TSEN15: variants seen among roughly 807,000 people sequenced by gnomAD.
TSEN15 encodes the protein tRNA-splicing endonuclease subunit Sen15.
Under a neutral mutation model 20.5 loss-of-function variants are expected in TSEN15, and 10 were observed. The observed-to-expected ratio is 0.49, with a 90% CI of 0.30 to 0.83. The LOEUF (loss-of-function observed/expected upper bound fraction) is 0.83. TSEN15 is among the 40% of genes least tolerant of loss of function. The probability of loss-of-function intolerance (pLI) is 0.06; values close to 1 mark genes in which losing one functional copy is unlikely to be tolerated. For synonymous variants in TSEN15, 72 were observed against 80.1 expected (o/e 0.90, Z 0.54); for missense variants, 180 against 218.6 (o/e 0.82, Z 1.11).
intron 3 of TSEN15, chr1:184,095,117 C>T (rs1043684867): frequency 5.0e-6 from 2 of 398,528 alleles, no homozygotes; most frequent in Non-Finnish European, 8.8e-6. Flanking sequence ...GTCTCTCTCT[C>T]TCCCCAGAAC....
chr1:184,072,685 A>G (rs1285175012), intron 4 of TSEN15, 142 bp from the exon 5 acceptor site: 1 of 712,792 alleles, frequency 1.4e-6, no homozygotes, highest in Non-Finnish European at 2.4e-6. Context: ...GAACATTTTA[A>G]TAAGATAAAT....
At chr1:184,068,516 T>C (rs1198507537) in intron 3 of TSEN15, among the ~76,000 whole-genome samples, 1 of 152,176 alleles carries the variant, frequency 6.6e-6, no homozygotes, top group South Asian at 2.1e-4. Context: ...CATTTTTTTT[T>C]CTCTTACCCT....
chr1:184,054,489 G>A lies in TSEN15; in HGVS notation c.217+54G>A, dbSNP rs567031474. 30 of 1,370,576 alleles carry A rather than the reference G, an allele frequency of 2.2e-5. 1 individual carries two copies. In the East Asian group the frequency reaches 5.3e-4, roughly 24 times the overall value. 84.9% of individuals were successfully genotyped at this position (1,370,576 alleles called of 1,614,324 possible). ...ATTGGGACTGTGGTAGAGATTTGGG[G>A]GGTTGGATTGGGATATAGCATTCTT... On this transcript the variant is annotated intron_variant, in intron 2 of 4. Transcript: ENST00000645668.
chr1:184,093,922 A>G lies in TSEN15; in HGVS notation c.354-1768A>G, dbSNP rs577031144. ...ATAAATCTTTCTATTTTGGGTGCAG[A>G]AATATTGGGTTTGATTCTAAGGGAC... On this transcript the variant is annotated intron_variant, in intron 3 of 3. Transcript: ENST00000643231. 2.6e-5 allele frequency: 4 copies of G among 152,274 alleles called. No individual in the cohort carries two copies. In the East Asian group the frequency reaches 7.7e-4, roughly 29 times the overall value. 9.4% of individuals were successfully genotyped at this position (152,274 alleles called of 1,614,324 possible).
chr1:184,066,295 T>A (rs948896943), intron 3 of TSEN15, among the ~76,000 whole-genome samples: 2 of 151,660 alleles, frequency 1.3e-5, no homozygotes, highest in Non-Finnish European at 2.9e-5. Context: ...ACTATTTATG[T>A]GAGTCAATTC....
At chr1:184,052,189 T>TA (rs1650081836) in intron 1 of TSEN15, among the ~76,000 whole-genome samples, 1 of 152,196 alleles carries the variant, frequency 6.6e-6, no homozygotes, top group Non-Finnish European at 1.5e-5. Flanking sequence ...GCTGTCTAGG[T>TA]AAATCCCCTT....
chr1:184,053,359 A>G (rs989836298), intron 1 of TSEN15, among the ~76,000 whole-genome samples: 4 of 152,172 alleles, frequency 2.6e-5, no homozygotes, highest in African/African-American at 9.7e-5. Context: ...TTATTTTATT[A>G]TTCTCCTGCT....
chr1:184,068,035 T>C (rs1376892606), intron 3 of TSEN15, among the ~76,000 whole-genome samples: 2 of 149,890 alleles, frequency 1.3e-5, no homozygotes, highest in African/African-American at 4.9e-5. Context: ...TTCCACGCTT[T>C]GCATTGTAAC....
intron 3 of TSEN15, among the ~76,000 whole-genome samples, chr1:184,090,125 G>A (rs551919259): frequency 3.1e-4 from 47 of 152,256 alleles, no homozygotes; most frequent in African/African-American, 1.1e-3. Flanking sequence ...TTTACAATGG[G>A]ATACTACTCA....
At chr1:184,060,384 CG>C (rs1557879986) in intron 3 of TSEN15, among the ~76,000 whole-genome samples, 1 of 152,198 alleles carries the variant, frequency 6.6e-6, no homozygotes, top group African/African-American at 2.4e-5. Flanking sequence ...TGCCAGGCAC[CG>C]TTGTGCAAAG....
intron 3 of TSEN15, among the ~76,000 whole-genome samples, chr1:184,058,008 ATTTG>A (rs1468839113): frequency 6.6e-6 from 1 of 152,128 alleles, no homozygotes; most frequent in African/African-American, 2.4e-5. Flanking sequence ...ATGTTATATT[ATTTG>A]TTTGGACAAG....
At position 184,081,201 on chromosome 1, in the gene TSEN15, A is replaced by G. The variant is rs1019643292; in HGVS notation, c.354-14489A>G. The stretch of plus-strand genomic sequence containing the variant: ...ATGAGGAATGAGAGCCTGAACCCCA[A>G]TAATAGCCTGGGCATATTAGTCAGG... On this transcript the variant is annotated intron_variant, in intron 3 of 3. Transcript: ENST00000643231. 3.3e-5 allele frequency among the ~76,000 whole-genome samples: 5 copies of G among 152,318 alleles called. No homozygotes were observed. In the East Asian group the frequency reaches 9.7e-4, roughly 29 times the overall value.
At chr1:184,062,850 C>T (rs1169107915) in intron 3 of TSEN15, among the ~76,000 whole-genome samples, 1 of 151,522 alleles carries the variant, frequency 6.6e-6, no homozygotes. Context: ...CCTTAGTTGA[C>T]ATATTTTAAA....
chr1:184,059,825 C>T (rs1650383261), intron 3 of TSEN15, among the ~76,000 whole-genome samples: 1 of 152,196 alleles, frequency 6.6e-6, no homozygotes, highest in Admixed American at 6.5e-5. Context: ...CCCGCCTTGG[C>T]CTCCCAAAAT....
At chr1:184,052,007 A>C in intron 1 of TSEN15, 117 bp downstream of exon 1, 1 of 1,079,884 alleles carries the variant, frequency 9.3e-7, no homozygotes, top group East Asian at 3.2e-5. Context: ...CGCCACCCTC[A>C]CCGAGGGGGA....
intron 3 of TSEN15, among the ~76,000 whole-genome samples, chr1:184,088,422 T>A (rs1391889119): frequency 1.3e-5 from 2 of 151,610 alleles, no homozygotes; most frequent in Non-Finnish European, 2.9e-5. Flanking sequence ...AGTGGAATTC[T>A]TTGCTGCCAA....
intron 3 of TSEN15, among the ~76,000 whole-genome samples, chr1:184,063,906 T>G (rs1478868322): frequency 1.3e-5 from 2 of 152,180 alleles, no homozygotes; most frequent in Admixed American, 6.5e-5. Context: ...TAAATGTATT[T>G]GATTTTACTT....
intron 3 of TSEN15, among the ~76,000 whole-genome samples, chr1:184,087,690 A>T (rs544132177): frequency 6.6e-6 from 1 of 152,352 alleles, no homozygotes; most frequent in East Asian, 1.9e-4. Context: ...GATGTATGAA[A>T]GATAGAAAGG....
At chr1:184,067,143 A>G (rs1236264008) in intron 3 of TSEN15, among the ~76,000 whole-genome samples, 1 of 152,086 alleles carries the variant, frequency 6.6e-6, no homozygotes, top group Non-Finnish European at 1.5e-5. Context: ...ATAATCTCTT[A>G]GTTTTTATTC....
Sources: allele counts gnomAD v4.1 joint callset (sites outside exome capture counted in the v4.1 genomes callset), GRCh38; gene constraint gnomAD v4.1.1; transcripts MANE v1.5; gene names NCBI Gene and HGNC (gene_info 2026-07-23, HGNC 2026-07-21).